SPON1: variants seen among roughly 807,000 people sequenced by gnomAD.
The protein encoded by SPON1 is spondin 1, also known as spondin-1.
A neutral mutation model predicts 111.7 loss-of-function variants in SPON1; 52 were observed. The ratio of observed to expected loss-of-function variants is 0.47; its 90% CI spans 0.37 to 0.59. SPON1 has a LOEUF of 0.59. Among genes scored for constraint, SPON1 ranks in the 20% least tolerant of loss-of-function variants. The pLI is 0.00. For missense variants in SPON1, 957 were observed against 1,068.5 expected (o/e 0.90, Z 1.46); for synonymous variants, 410 against 395.8 (o/e 1.04, Z -0.43).
intron 6 of SPON1, among the ~76,000 whole-genome samples, chr11:14,201,533 A>T (rs1186255413): frequency 6.6e-6 from 1 of 151,818 alleles, no homozygotes; most frequent in African/African-American, 2.4e-5. Flanking sequence ...CAGGTAGGTG[A>T]GATCAGAGGC....
chr11:14,036,935 T>G (rs1554916699), intron 2 of SPON1, among the ~76,000 whole-genome samples: 1 of 151,988 alleles, frequency 6.6e-6, no homozygotes. Flanking sequence ...CTAGAGTTAT[T>G]TTGGTAGTGC....
Position 14,189,626 on chromosome 11 carries a change from G to A in SPON1, c.826-53706G>A, listed in dbSNP as rs536317217. Among the ~76,000 whole-genome samples, 489 of 152,150 alleles carry A rather than the reference G, an allele frequency of 3.2e-3. 1 individual carries two copies. Among genetic ancestry groups the A allele is most frequent in the African/African-American group, 0.011 (462 of 41,488 alleles). Reference sequence around the variant, plus strand: ...CCTTCCCACTTCCAACTTCTTTCCCGATTGTCTCCAACGCAGTTCGCTGTG... The same window carrying A: ...CCTTCCCACTTCCAACTTCTTTCCCAATTGTCTCCAACGCAGTTCGCTGTG... On this transcript the variant is annotated intron_variant, in intron 6 of 15. Transcript: ENST00000576479.
chr11:14,195,885 G>T (rs1764531335), intron 6 of SPON1, among the ~76,000 whole-genome samples: 1 of 152,116 alleles, frequency 6.6e-6, no homozygotes, highest in African/African-American at 2.4e-5. Context: ...AATACCTAAG[G>T]ATCATCCTAG....
chr11:14,092,051 A>T (rs561816794), intron 5 of SPON1, among the ~76,000 whole-genome samples: 24 of 152,192 alleles, frequency 1.6e-4, no homozygotes, highest in Admixed American at 9.2e-4. Context: ...AGGGTTCCTC[A>T]GTTGGAAATG....
Position 14,098,629 on chromosome 11 carries a change from G to A in SPON1, c.676+18608G>A, listed in dbSNP as rs16913627. On this transcript the variant is annotated intron_variant, in intron 5 of 15. Transcript: ENST00000576479. ...CAGTTCATAGAGCAAATCTGTGGTC[G>A]AGCTGGTGCGTGATATGAAAGGCAG... 7.1e-4 allele frequency among the ~76,000 whole-genome samples: 106 copies of A among 148,358 alleles called. 2 individuals carry two copies. The East Asian group carries it at 0.018, about 26-fold the overall frequency.
chr11:14,259,778 C>T lies in SPON1; in HGVS notation c.1831+77C>T, dbSNP rs920381795. ...AGGGCCATGGCATCCACTATTACCA[C>T]CATAAAGGTCGGAGGCTGAGCAGAG... On this transcript the variant is annotated intron_variant, in intron 13 of 15. Coordinates refer to ENST00000576479, the MANE Select transcript of SPON1 (RefSeq NM_006108.4). This position sits in a 1 kb window ranked among gnomAD's most constrained non-coding sequence, Gnocchi z 5.0. 86 of 1,451,162 alleles carry T rather than the reference C, an allele frequency of 5.9e-5. No homozygotes were observed. The Middle Eastern group carries it at 7.8e-4, about 13-fold the overall frequency. The allele number at this position is 1,451,162 out of a possible 1,614,324, so 89.9% of individuals were successfully genotyped here. A position where few individuals can be genotyped will look rare whatever the true frequency, so the allele number is the denominator to read the frequency against.
At chr11:14,169,736 A>C (rs11023122) in intron 6 of SPON1, among the ~76,000 whole-genome samples, 143,723 of 152,232 alleles carry the variant, frequency 0.94, 67,917 homozygotes, top group African/African-American at 0.98. Flanking sequence ...TTCCCAGCAC[A>C]ATTTATTAAA....
rs1241780247 is a variant in SPON1 at position 14,267,676 on chromosome 11, ATTG to A, written c.*1992_*1994del. Reference sequence around the variant, plus strand: ...GAATGGGTAACATGACTCTTGTTGGATTGTTATTTTTTGTTTGCAATGGGGAAT... The same window carrying A: ...GAATGGGTAACATGACTCTTGTTGGATTATTTTTTGTTTGCAATGGGGAAT... On this transcript the variant is annotated 3_prime_UTR_variant, in exon 16 of 16. Coordinates refer to ENST00000576479, the MANE Select transcript of SPON1 (RefSeq NM_006108.4). 1.3e-5 allele frequency: 2 copies of A among 152,186 alleles called. No individual in the cohort carries two copies. The highest frequency in any genetic ancestry group is 2.9e-5 in the Non-Finnish European group (2 of 68,032). The allele number at this position is 152,186 out of a possible 1,614,324, so 9.4% of individuals were successfully genotyped here. A position where few individuals can be genotyped will look rare whatever the true frequency, so the allele number is the denominator to read the frequency against.
chr11:13,962,769 C>T lies in SPON1; in HGVS notation c.-136C>T. 2.5e-6 allele frequency: 2 copies of T among 789,954 alleles called. No homozygotes were observed. Among genetic ancestry groups the T allele is most frequent in the Non-Finnish European group, 3.7e-6 (2 of 537,320 alleles). The allele number at this position is 789,954 out of a possible 1,614,324, so 48.9% of individuals were successfully genotyped here. On this transcript the variant is annotated 5_prime_UTR_variant, in exon 1 of 16. Transcript: ENST00000576479. ...CGCCAAGCCGAGGCGGGCACGGTCTCCGAGTCGCGGACGCCAGCTCCGAGC... is the reference window on the plus strand; with the variant it reads ...CGCCAAGCCGAGGCGGGCACGGTCTTCGAGTCGCGGACGCCAGCTCCGAGC...
chr11:14,231,867 G>C (rs540129292), intron 6 of SPON1, among the ~76,000 whole-genome samples: 2 of 151,756 alleles, frequency 1.3e-5, no homozygotes, highest in South Asian at 4.2e-4. Flanking sequence ...CATAAGTTAT[G>C]ATGTCAACTA....
chr11:14,171,756 A>G (rs1350619737), intron 6 of SPON1, among the ~76,000 whole-genome samples: 18 of 152,068 alleles, frequency 1.2e-4, no homozygotes, highest in Non-Finnish European at 2.4e-4. Context: ...TGTACCCAGT[A>G]GTCATTCAGG....
intron 14 of SPON1, among the ~76,000 whole-genome samples, chr11:14,261,618 T>A (rs1849183511): frequency 6.6e-6 from 1 of 152,184 alleles, no homozygotes. Flanking sequence ...CTGGGTTGTT[T>A]TAGGAGACTC....
chr11:14,251,154 A>G (rs548672391), intron 7 of SPON1, among the ~76,000 whole-genome samples: 11 of 152,224 alleles, frequency 7.2e-5, no homozygotes, highest in Non-Finnish European at 1.3e-4. Context: ...GAAATGTTAC[A>G]TAAATGGGGT....
At chr11:14,235,454 A>G (rs1245950814) in intron 6 of SPON1, among the ~76,000 whole-genome samples, 1 of 152,118 alleles carries the variant, frequency 6.6e-6, no homozygotes, top group Non-Finnish European at 1.5e-5. Flanking sequence ...TGAGGCAAGC[A>G]GATGGCTTGA....
At chr11:14,247,558 A>T (rs1242717980) in intron 7 of SPON1, among the ~76,000 whole-genome samples, 2 of 152,198 alleles carry the variant, frequency 1.3e-5, no homozygotes, top group Admixed American at 1.3e-4. Context: ...GAGAGAATTA[A>T]CTGTGACTTC....
rs569804153 is a variant in SPON1, at chr11:14,193,494, C to T, written c.826-49838C>T. On this transcript the variant is annotated intron_variant, in intron 6 of 15. Transcript: ENST00000576479. ...CTCCAAGGTTTTTGAGGATGGTGAG[C>T]TCTGCTTGTCACAAAGGTAACAGGG... is the stretch of plus-strand genomic sequence containing the variant. Among the ~76,000 whole-genome samples the T allele has an allele frequency of 1.6e-4, 25 of 152,264 alleles. No individual in the cohort carries two copies. In the South Asian group the frequency reaches 3.3e-3, roughly 20 times the overall value.
chr11:14,127,571 C>T (rs1847475038), intron 5 of SPON1, among the ~76,000 whole-genome samples: 2 of 152,186 alleles, frequency 1.3e-5, no homozygotes, highest in Non-Finnish European at 2.9e-5. Context: ...GTCTTTGGCT[C>T]TTTGACTCAA....
chr11:14,265,182 T>C (rs1348950458), intron 15 of SPON1, among the ~76,000 whole-genome samples: 1 of 152,172 alleles, frequency 6.6e-6, no homozygotes, highest in Non-Finnish European at 1.5e-5. Context: ...TCCAGTGGTC[T>C]AGCCAGGCTT....
At chr11:14,243,585 G>A (rs903078205) in intron 7 of SPON1, among the ~76,000 whole-genome samples, 189 bp downstream of exon 7, 1 of 152,190 alleles carries the variant, frequency 6.6e-6, no homozygotes, top group Non-Finnish European at 1.5e-5. Flanking sequence ...GCAGGCTCAG[G>A]CTCTGTTTTC....
Sources: gnomAD v4.1 joint callset for allele counts (sites outside exome capture counted in the v4.1 genomes callset) on GRCh38, gnomAD v4.1.1 for gene constraint, Gnocchi (gnomAD v3.1) non-coding constraint, MANE v1.5 for transcripts, NCBI Gene and HGNC (gene_info 2026-07-23, HGNC 2026-07-21) for gene names.